SMYD3: variants seen among roughly 807,000 people sequenced by gnomAD.
SMYD3 encodes the protein histone-lysine N-methyltransferase SMYD3.
A neutral mutation model predicts 57.7 loss-of-function variants in SMYD3; 36 were observed. The observed-to-expected ratio is 0.62, with a 90% CI of 0.48 to 0.82. The LOEUF is 0.82. Among genes scored for constraint, SMYD3 ranks in the 40% least tolerant of loss-of-function variants. SMYD3 has a pLI of 0.00. For missense variants in SMYD3, 515 were observed against 538.8 expected, an observed-to-expected ratio of 0.96 and a Z score of 0.44; for synonymous variants, 211 against 195.0, an observed-to-expected ratio of 1.08 and a Z score of -0.68.
intron 5 of SMYD3, among the ~76,000 whole-genome samples, chr1:246,171,307 T>C (rs963710794): frequency 6.6e-6 from 1 of 152,248 alleles, no homozygotes; most frequent in African/African-American, 2.4e-5. Context: ...GACATTAATA[T>C]AATCCCTCCT....
intron 7 of SMYD3, among the ~76,000 whole-genome samples, chr1:245,921,027 CA>C (rs2055885171): frequency 6.6e-6 from 1 of 152,182 alleles, no homozygotes; most frequent in South Asian, 2.1e-4. Context: ...AAAATATTCA[CA>C]AACTATGCAT....
intron 1 of SMYD3, among the ~76,000 whole-genome samples, chr1:246,364,344 CAACCTATA>C (rs1404315798): frequency 6.6e-6 from 1 of 151,920 alleles, no homozygotes; most frequent in Non-Finnish European, 1.5e-5. Flanking sequence ...CTCTAAAAGT[CAACCTATA>C]ATACTAACAT....
intron 8 of SMYD3, among the ~76,000 whole-genome samples, chr1:245,891,078 G>C (rs146787883): frequency 1.3e-3 from 191 of 152,348 alleles, no homozygotes; most frequent in African/African-American, 4.3e-3. Context: ...TGGGAAGGTA[G>C]TGGGCAAGGG....
At chr1:246,083,510 G>GCGCAGGTCCTCCGTATGCTGA (rs1553283939) in intron 5 of SMYD3, among the ~76,000 whole-genome samples, 1 of 142,016 alleles carries the variant, frequency 7.0e-6, no homozygotes, top group Non-Finnish European at 1.5e-5. Flanking sequence ...GGCTGGTGCC[G>GCGCAGGTCCTCCGTATGCTGA]GCGCGGGTCC....
chr1:245,817,895 T>C (rs368702262), intron 10 of SMYD3, among the ~76,000 whole-genome samples: 1 of 151,946 alleles, frequency 6.6e-6, no homozygotes, highest in Non-Finnish European at 1.5e-5. Flanking sequence ...TATGGGACTA[T>C]GTGAAAAGAC....
chr1:246,360,330 C>T (rs188522251), intron 1 of SMYD3, among the ~76,000 whole-genome samples: 34 of 152,186 alleles, frequency 2.2e-4, no homozygotes, highest in African/African-American at 7.9e-4. Context: ...GAAACATGTC[C>T]CATGCTCATG....
At chr1:246,349,969 A>G (rs2148697110) in intron 2 of SMYD3, among the ~76,000 whole-genome samples, 1 of 152,384 alleles carries the variant, frequency 6.6e-6, no homozygotes, top group South Asian at 2.1e-4. Context: ...CATCAATTAA[A>G]AGACAGGAAT....
intron 5 of SMYD3, among the ~76,000 whole-genome samples, chr1:246,228,847 G>T (rs956779104): frequency 1.5e-4 from 23 of 151,898 alleles, no homozygotes; most frequent in African/African-American, 5.5e-4. Flanking sequence ...ATTATTTTTA[G>T]ATACTTCCAT....
At chr1:245,856,749 G>T (rs954436236) in intron 10 of SMYD3, among the ~76,000 whole-genome samples, 3 of 152,224 alleles carry the variant, frequency 2.0e-5, no homozygotes, top group Non-Finnish European at 4.4e-5. Flanking sequence ...AGGGCAGCCT[G>T]AGTGTCGAAA....
At chr1:245,881,139 A>G (rs2052757964) in intron 8 of SMYD3, among the ~76,000 whole-genome samples, 1 of 152,202 alleles carries the variant, frequency 6.6e-6, no homozygotes, top group African/African-American at 2.4e-5. Context: ...TTTTGACCAG[A>G]TTAGAAAACT....
chr1:246,428,063 A>G (rs1378975631), intron 1 of SMYD3, among the ~76,000 whole-genome samples: 1 of 152,216 alleles, frequency 6.6e-6, no homozygotes, highest in Non-Finnish European at 1.5e-5. Context: ...AGACCTCTTG[A>G]CAATGTAGGA....
At chr1:246,152,384 C>T (rs556799845) in intron 5 of SMYD3, among the ~76,000 whole-genome samples, 2 of 152,252 alleles carry the variant, frequency 1.3e-5, no homozygotes, top group South Asian at 2.1e-4. Flanking sequence ...ATGTGAAGAC[C>T]GAGCATGGAA....
chr1:245,881,084 A>G (rs2052754728), intron 8 of SMYD3, among the ~76,000 whole-genome samples: 2 of 152,204 alleles, frequency 1.3e-5, no homozygotes, highest in South Asian at 4.1e-4. Context: ...TTTGTTCATT[A>G]TAAAAATATA....
chr1:246,186,945 G>A (rs1014300265), intron 5 of SMYD3: 1 of 984,846 alleles, frequency 1.0e-6, no homozygotes, highest in East Asian at 1.1e-4. Flanking sequence ...CGCTGTGACT[G>A]AAGAGATGAA....
intron 10 of SMYD3, among the ~76,000 whole-genome samples, chr1:245,810,543 A>G (rs949116500): frequency 1.3e-5 from 2 of 152,190 alleles, no homozygotes; most frequent in African/African-American, 2.4e-5. Flanking sequence ...CTCTGTCTCC[A>G]CTGCAGCCAC....
intron 11 of SMYD3, among the ~76,000 whole-genome samples, chr1:245,751,682 C>T (rs549544000): frequency 6.6e-6 from 1 of 152,180 alleles, no homozygotes; most frequent in African/African-American, 2.4e-5. Flanking sequence ...TGGAAGACAG[C>T]TCTGCTCTGA....
chr1:245,804,006 C>T lies in SMYD3; in HGVS notation c.1077-39857G>A, dbSNP rs374152864. 3.3e-5 allele frequency among the ~76,000 whole-genome samples: 5 copies of T among 151,560 alleles called. No individual in the cohort carries two copies. In the South Asian group the frequency reaches 6.3e-4, roughly 19 times the overall value. ...TCGGCTCACTGCAACCTCCGCCTCC[C>T]GGGTTCAAGGATTCTCCTGCCTCAG... On this transcript the variant is annotated intron_variant, in intron 10 of 11. Transcript: ENST00000490107.
At chr1:246,349,040 A>G (rs1347614577) in intron 2 of SMYD3, among the ~76,000 whole-genome samples, 2 of 152,264 alleles carry the variant, frequency 1.3e-5, no homozygotes, top group South Asian at 2.1e-4. Context: ...CAGGAAAACA[A>G]AAGTTGAGGA....
intron 1 of SMYD3, among the ~76,000 whole-genome samples, chr1:246,468,457 A>G (rs1215315319): frequency 6.6e-6 from 1 of 152,068 alleles, no homozygotes; most frequent in Non-Finnish European, 1.5e-5. Context: ...CCTGGGCAAC[A>G]TGGTGAAACC....
Sources: gnomAD v4.1 joint callset for allele counts (sites outside exome capture counted in the v4.1 genomes callset) on GRCh38, gnomAD v4.1.1 for gene constraint, MANE v1.5 for transcripts, NCBI Gene and HGNC (gene_info 2026-07-23, HGNC 2026-07-21) for gene names.